GBF1: variants seen among roughly 807,000 people sequenced by gnomAD.
The protein encoded by GBF1 is Golgi-specific brefeldin A-resistance guanine nucleotide exchange factor 1.
A neutral mutation model predicts 210.5 loss-of-function variants in GBF1; 114 were observed. The ratio of observed to expected loss-of-function variants is 0.54; its 90% confidence interval spans 0.47 to 0.63. GBF1 has a LOEUF of 0.63. Ranked by LOEUF, GBF1 falls within the 30% of genes least tolerant of loss-of-function variation. The pLI, the probability that GBF1 is intolerant of heterozygous loss-of-function variation, is 0.00. For synonymous variants in GBF1, 850 were observed against 889.2 expected, an observed-to-expected ratio of 0.96 and a Z score of 0.78; for missense variants, 1,851 against 2,357.7, an observed-to-expected ratio of 0.79 and a Z score of 4.45.
At chr10:102,276,253 G>A (rs1467114122) in intron 3 of GBF1, among the ~76,000 whole-genome samples, 5 of 148,816 alleles carry the variant, frequency 3.4e-5, no homozygotes, top group South Asian at 4.3e-4. Flanking sequence ...AAGGCCTGGC[G>A]CGGTGGCTCA....
chr10:102,236,465 G>A, the GBF1 span, among the ~76,000 whole-genome samples: 3 of 152,218 alleles, frequency 2.0e-5, no homozygotes, highest in Non-Finnish European at 2.9e-5. Context: ...AGTCCCACTG[G>A]TATCAGGGTG....
chr10:102,257,150 A>G (rs2072516170), intron 1 of GBF1, among the ~76,000 whole-genome samples: 1 of 152,234 alleles, frequency 6.6e-6, no homozygotes, highest in South Asian at 2.1e-4. Context: ...GTTTGGGTAT[A>G]TTAGCACAGA....
intron 1 of GBF1, among the ~76,000 whole-genome samples, chr10:102,253,540 G>T (rs977072709): frequency 2.0e-5 from 3 of 152,160 alleles, no homozygotes; most frequent in Non-Finnish European, 4.4e-5. Context: ...TTGAGACAGG[G>T]TCTTACTCTG....
rs958762958 is a variant in GBF1 at position 102,379,561 on chromosome 10, G to A, written c.4686G>A (p.Arg1562=). 6.2e-7 allele frequency: 1 copy of A among 1,614,164 alleles called. No individual in the cohort carries two copies. ...CLCCDARRQV[R]MQALTYLQRA... ...GCTGCGATGCCCGGCGCCAGGTACG[G>A]ATGCAGGCACTGACCTATCTGCAGC... The change falls in exon 35 of 40, where the codon CGG becomes CGA. Residue 1562 remains arginine (R), a synonymous_variant. Coordinates refer to ENST00000369983, the MANE Select transcript of GBF1 (RefSeq NM_001377137.1).
intron 7 of GBF1, among the ~76,000 whole-genome samples, 195 bp downstream of exon 7, chr10:102,352,713 G>A (rs542124923): frequency 5.9e-5 from 9 of 152,250 alleles, no homozygotes; most frequent in African/African-American, 1.9e-4. Context: ...TTGGCCTCAC[G>A]GGGAGGCAGA....
intron 3 of GBF1, among the ~76,000 whole-genome samples, chr10:102,276,965 TACACACACACACAC>T (rs112061268): frequency 1.3e-5 from 2 of 148,648 alleles, no homozygotes; most frequent in African/African-American, 4.9e-5. Context: ...TTTTGCTACT[TACACACACACACAC>T]ACACACACAC....
chr10:102,255,605 A>G (rs940354183), intron 1 of GBF1, among the ~76,000 whole-genome samples: 2 of 152,108 alleles, frequency 1.3e-5, no homozygotes, highest in African/African-American at 4.8e-5. Flanking sequence ...ACCTCTTAGC[A>G]TTTTCTTACA....
chr10:102,231,282 G>T, the GBF1 span, among the ~76,000 whole-genome samples: 1 of 152,238 alleles, frequency 6.6e-6, no homozygotes, highest in Admixed American at 6.5e-5. Context: ...GAAGGCGCGG[G>T]CGGCTGGACC....
chr10:102,314,909 C>G (rs1056900499), intron 3 of GBF1, among the ~76,000 whole-genome samples: 1 of 152,124 alleles, frequency 6.6e-6, no homozygotes, highest in Non-Finnish European at 1.5e-5. Flanking sequence ...CCCCAAAGAG[C>G]ACAAAATGGC....
intron 29 of GBF1, among the ~76,000 whole-genome samples, chr10:102,373,074 C>T (rs542346797): frequency 6.6e-6 from 1 of 152,116 alleles, no homozygotes; most frequent in Non-Finnish European, 1.5e-5. Flanking sequence ...GATGAAAAGA[C>T]AAGCTGTAGA....
At chr10:102,298,729 A>G (rs545103483) in intron 3 of GBF1, among the ~76,000 whole-genome samples, 8 of 152,346 alleles carry the variant, frequency 5.3e-5, no homozygotes, top group African/African-American at 1.4e-4. Flanking sequence ...GGTTCCAAAA[A>G]GTGAAGAACT....
chr10:102,313,159 G>A lies in GBF1; in HGVS notation c.164-30892G>A, dbSNP rs914435999. Among the ~76,000 whole-genome samples, 30 of 152,308 alleles carry A rather than the reference G, an allele frequency of 2.0e-4. 1 individual carries two copies. The highest frequency in any genetic ancestry group is 3.4e-3 in the Middle Eastern group (1 of 294). On this transcript the variant is annotated intron_variant, in intron 3 of 39. Coordinates refer to ENST00000369983, the MANE Select transcript of GBF1 (RefSeq NM_001377137.1). ...AAGAGGAATTGTGCTGCTGAGCAAA[G>A]GAAAGCTTTTGTGACTTGAAAGCAC...
intron 3 of GBF1, among the ~76,000 whole-genome samples, chr10:102,289,558 CA>C (rs935888016): frequency 5.3e-5 from 8 of 152,106 alleles, no homozygotes; most frequent in African/African-American, 1.9e-4. Context: ...GACCCTATCT[CA>C]AAACAAACAA....
chr10:102,327,614 G>A (rs1398442949), intron 3 of GBF1, among the ~76,000 whole-genome samples: 1 of 152,084 alleles, frequency 6.6e-6, no homozygotes, highest in Non-Finnish European at 1.5e-5. Flanking sequence ...TTTCTTTCTG[G>A]ATTTTTCTGA....
chr10:102,331,031 G>T (rs909060119), intron 3 of GBF1, among the ~76,000 whole-genome samples: 1 of 152,072 alleles, frequency 6.6e-6, no homozygotes, highest in Non-Finnish European at 1.5e-5. Flanking sequence ...CAAAAATGAC[G>T]ATTTCAGGAG....
chr10:102,382,147 C>T lies in GBF1; in HGVS notation c.5394C>T (p.Pro1798=), dbSNP rs760320388. The T allele has an allele frequency of 1.3e-5, 21 of 1,611,986 alleles. No individual in the cohort carries two copies. The African/African-American group carries it at 1.5e-4, about 11-fold the overall frequency. Residue 1798 remains proline, a synonymous_variant, in exon 40 of 40, where the codon CCC becomes CCT. Transcript: ENST00000369983. ...GCCCCAGCAGGCTGAGCCCCACCCC[C>T]GACGGGCCTCCACCCTTGGCTCAGC... The part of the protein sequence containing the change: ...ASSPSRLSPT[P]DGPPPLAQPP...
At chr10:102,370,061 A>G (rs778482513) in intron 26 of GBF1, 77 bp downstream of exon 26, 1 of 1,576,194 alleles carries the variant, frequency 6.3e-7, no homozygotes, top group South Asian at 1.1e-5. Flanking sequence ...TGAAGAATAA[A>G]TCATCCAGGA....
chr10:102,300,797 G>A (rs1026600744), intron 3 of GBF1, among the ~76,000 whole-genome samples: 1 of 152,136 alleles, frequency 6.6e-6, no homozygotes, highest in Admixed American at 6.6e-5. Context: ...GTACATATGT[G>A]ACTAAGTTAT....
intron 3 of GBF1, among the ~76,000 whole-genome samples, chr10:102,310,479 G>T (rs1047948894): frequency 2.0e-5 from 3 of 151,824 alleles, no homozygotes; most frequent in Non-Finnish European, 4.4e-5. Context: ...CATTTCTACT[G>T]CTGGCATTCC....
Sources: gnomAD v4.1 joint callset for allele counts (sites outside exome capture counted in the v4.1 genomes callset) on GRCh38, gnomAD v4.1.1 for gene constraint, MANE v1.5 for transcripts, NCBI Gene and HGNC (gene_info 2026-07-23, HGNC 2026-07-21) for gene names.